The following SEMA3A variants were observed in gnomAD, a reference collection of about 807,000 sequenced individuals.
SEMA3A encodes the protein semaphorin 3A.
SEMA3A carries 29 observed loss-of-function variants against 97.9 expected under a neutral mutation model. The observed-to-expected ratio is 0.30, with a 90% CI of 0.22 to 0.40. The LOEUF (loss-of-function observed/expected upper bound fraction) is 0.40. Ranked by LOEUF, SEMA3A falls within the 10% of genes least tolerant of loss-of-function variation. The probability of loss-of-function intolerance (pLI) is 1.00; values close to 1 mark genes in which losing one functional copy is unlikely to be tolerated. For missense variants in SEMA3A, 763 were observed against 951.3 expected (o/e 0.80, Z 2.60); for synonymous variants, 321 against 323.7 (o/e 0.99, Z 0.09).
At chr7:84,306,435 A>T (rs867735707) in intron 3 of SEMA3A, 22 of 152,096 alleles carry the variant, frequency 1.4e-4, no homozygotes, top group African/African-American at 5.3e-4. Context: ...ATTTAAATTC[A>T]GTGTTATTTT....
intron 6 of SEMA3A, among the ~76,000 whole-genome samples, chr7:84,029,899 A>C (rs545627930): frequency 6.6e-6 from 1 of 152,236 alleles, no homozygotes; most frequent in South Asian, 2.1e-4. Flanking sequence ...CGAAGACAAA[A>C]CAGATGTTTT....
At chr7:84,379,098 T>C (rs1340724425) in intron 1 of SEMA3A, among the ~76,000 whole-genome samples, 2 of 152,074 alleles carry the variant, frequency 1.3e-5, no homozygotes, top group East Asian at 1.9e-4. Context: ...TGGCTAATTT[T>C]TTGTATTTTT....
At chr7:84,150,680 C>T (rs557395584) in intron 1 of SEMA3A, among the ~76,000 whole-genome samples, 2 of 152,252 alleles carry the variant, frequency 1.3e-5, no homozygotes, top group Non-Finnish European at 2.9e-5. Flanking sequence ...CCCGCCATTG[C>T]CCAGGCTTGA....
At chr7:84,144,824 C>T (rs1395103066) in intron 1 of SEMA3A, among the ~76,000 whole-genome samples, 2 of 152,042 alleles carry the variant, frequency 1.3e-5, no homozygotes, top group African/African-American at 2.4e-5. Context: ...TCAAACAAGG[C>T]GTGAATCAAA....
At chr7:84,443,833 CT>C (rs1213972466) in intron 1 of SEMA3A, among the ~76,000 whole-genome samples, 1 of 148,414 alleles carries the variant, frequency 6.7e-6, no homozygotes, top group Non-Finnish European at 1.5e-5. Flanking sequence ...TCTACTTTTG[CT>C]TTGACTGGAC....
intron 12 of SEMA3A, among the ~76,000 whole-genome samples, chr7:83,989,762 C>A (rs1362710180): frequency 1.5e-4 from 22 of 147,998 alleles, no homozygotes; most frequent in Admixed American, 2.0e-4. Flanking sequence ...ATTGTGAATA[C>A]TGCCGCAATA....
At chr7:84,239,822 T>C (rs1163584031) in intron 3 of SEMA3A, among the ~76,000 whole-genome samples, 1 of 152,146 alleles carries the variant, frequency 6.6e-6, no homozygotes, top group Non-Finnish European at 1.5e-5. Flanking sequence ...TTTATTACTG[T>C]CACTGTGAGT....
At chr7:84,429,348 G>A (rs1172914926) in intron 1 of SEMA3A, among the ~76,000 whole-genome samples, 8 of 150,986 alleles carry the variant, frequency 5.3e-5, no homozygotes, top group Non-Finnish European at 8.9e-5. Context: ...AGTTTTGTTC[G>A]TTTGTAACCA....
At chr7:84,310,342 A>G (rs1404299643) in intron 2 of SEMA3A, among the ~76,000 whole-genome samples, 1 of 152,050 alleles carries the variant, frequency 6.6e-6, no homozygotes, top group Non-Finnish European at 1.5e-5. Flanking sequence ...ACCGGCAGAT[A>G]CAAAATAACT....
intron 3 of SEMA3A, among the ~76,000 whole-genome samples, chr7:84,277,403 T>G (rs1391777928): frequency 6.6e-6 from 1 of 152,028 alleles, no homozygotes; most frequent in African/African-American, 2.4e-5. Context: ...AAAGGGCCCG[T>G]GAATAGCAAA....
At chr7:84,435,949 T>C (rs1403720086) in intron 1 of SEMA3A, among the ~76,000 whole-genome samples, 1 of 152,086 alleles carries the variant, frequency 6.6e-6, no homozygotes, top group Non-Finnish European at 1.5e-5. Context: ...GGCTACAGTA[T>C]CCGAAACAGC....
rs112287208 is a variant in SEMA3A at position 84,268,535 on chromosome 7, G to A, written c.-83+38672C>T. ...GCAAACCCTGTTCCTGTCCTTCCTA[G>A]TATTTTCCCTTTTTCTTTAGGATAA... On this transcript the variant is annotated intron_variant, in intron 3 of 3. Transcript: ENST00000424555. 3.9e-5 allele frequency among the ~76,000 whole-genome samples: 6 copies of A among 152,040 alleles called. 1 individual carries two copies. The highest frequency in any genetic ancestry group is 2.1e-4 in the South Asian group (1 of 4,818).
At chr7:84,177,251 T>G (rs938700399) in intron 1 of SEMA3A, among the ~76,000 whole-genome samples, 1 of 152,138 alleles carries the variant, frequency 6.6e-6, no homozygotes, top group Admixed American at 6.5e-5. Flanking sequence ...ATGAAGTTTA[T>G]TTTGATTTAT....
chr7:84,056,178 T>G (rs1321732588), intron 5 of SEMA3A, among the ~76,000 whole-genome samples: 1 of 152,224 alleles, frequency 6.6e-6, no homozygotes, highest in East Asian at 1.9e-4. Flanking sequence ...AACTGGAAGC[T>G]TTCTTAACTC....
intron 3 of SEMA3A, among the ~76,000 whole-genome samples, chr7:84,233,282 C>G (rs1223656167): frequency 6.6e-6 from 1 of 151,966 alleles, no homozygotes; most frequent in Non-Finnish European, 1.5e-5. Flanking sequence ...AGCAGAAACA[C>G]TGATAAACAT....
rs1284422126 is a variant in SEMA3A at position 84,298,400 on chromosome 7, A to G, written c.-83+8807T>C. Among the ~76,000 whole-genome samples the G allele has an allele frequency of 2.0e-5, 3 of 152,158 alleles. No homozygotes were observed. In the East Asian group the frequency reaches 5.8e-4, roughly 29 times the overall value. On this transcript the variant is annotated intron_variant, in intron 3 of 3. Coordinates refer to the SEMA3A transcript ENST00000424555. The stretch of plus-strand genomic sequence containing the variant: ...AAACAAACAAATATATTCATCCATT[A>G]AGACAAGGAGGAAAGATAAAAGTGA...
intron 5 of SEMA3A, among the ~76,000 whole-genome samples, chr7:84,057,495 T>G (rs374441393): frequency 9.9e-5 from 15 of 152,206 alleles, no homozygotes; most frequent in African/African-American, 3.6e-4. Flanking sequence ...GGCCAGGCGC[T>G]GTGGCTCACA....
intron 1 of SEMA3A, among the ~76,000 whole-genome samples, chr7:84,390,525 T>C (rs1029425032): frequency 5.9e-5 from 9 of 152,014 alleles, no homozygotes; most frequent in Admixed American, 2.0e-4. Context: ...AGTGCTACTG[T>C]GCTACTTGAT....
chr7:84,367,120 T>G (rs1446592767), intron 2 of SEMA3A, among the ~76,000 whole-genome samples: 2 of 151,354 alleles, frequency 1.3e-5, no homozygotes, highest in Non-Finnish European at 3.0e-5. Context: ...TGTCCTCAAG[T>G]AAGGGTCAGC....
Sources: gnomAD v4.1 joint callset for allele counts (sites outside exome capture counted in the v4.1 genomes callset) on GRCh38, gnomAD v4.1.1 for gene constraint, MANE v1.5 for transcripts, NCBI Gene and HGNC (gene_info 2026-07-23, HGNC 2026-07-21) for gene names.